SIRPB1: variants seen among roughly 807,000 people sequenced by gnomAD.
SIRPB1 encodes the protein signal regulatory protein beta 1, also known as signal-regulatory protein beta-1.
In SIRPB1, 28 loss-of-function variants were observed where a neutral mutation model predicts 34.1. The observed-to-expected ratio is 0.82, with a 90% CI of 0.61 to 1.12. The LOEUF is 1.12. Ranked by LOEUF, SIRPB1 falls within the 50% of genes most tolerant of loss-of-function variation. The pLI is 0.00. For missense variants in SIRPB1, 499 were observed against 507.0 expected (o/e 0.98, Z 0.15); for synonymous variants, 211 against 203.8 (o/e 1.04, Z -0.30).
intron 1 of SIRPB1, among the ~76,000 whole-genome samples, chr20:1,599,262 G>T (rs2091466971): frequency 2.0e-5 from 1 of 48,870 alleles, no homozygotes; most frequent in Non-Finnish European, 3.9e-5. Context: ...ATTCCATTCT[G>T]ATGGGGAAAT....
At position 1,606,069 on chromosome 20, in the gene SIRPB1, G is replaced by A. The variant is rs2091510264; in HGVS notation, c.76+13800C>T. The A allele has an allele frequency of 9.9e-6, 2 of 202,806 alleles. 1 individual carries two copies. The highest frequency in any genetic ancestry group is 1.9e-5 in the Non-Finnish European group (2 of 107,946). 12.6% of individuals were successfully genotyped at this position (202,806 alleles called of 1,614,324 possible). ...AAAAACCGGTCCTGTATTGCCATACGGGACACTATTCAGGGTTTCACTGAC... is the reference window on the plus strand; with the variant it reads ...AAAAACCGGTCCTGTATTGCCATACAGGACACTATTCAGGGTTTCACTGAC... On this transcript the variant is annotated intron_variant, in intron 1 of 5. Transcript: ENST00000381605.
chr20:1,565,055 T>G lies in SIRPB1; in HGVS notation c.*445A>C, dbSNP rs1365253572. 5.0e-6 allele frequency: 2 copies of G among 398,372 alleles called. No individual in the cohort carries two copies. Among genetic ancestry groups the G allele is most frequent in the African/African-American group, 4.1e-5 (2 of 48,552 alleles). The allele number at this position is 398,372 out of a possible 1,614,324, so 24.7% of individuals were successfully genotyped here. A position where few individuals can be genotyped will look rare whatever the true frequency, so the allele number is the denominator to read the frequency against. ...TGGACAAAGAGGAAAGAGAATCATT[T>G]TTTTCTTAAAATTGGTATAGGGGTT... On this transcript the variant is annotated 3_prime_UTR_variant, in exon 6 of 6. Transcript: ENST00000381605.
rs2091547762 is a variant in SIRPB1, at chr20:1,609,892, C to T, written c.76+9977G>A. 2.7e-5 allele frequency among the ~76,000 whole-genome samples: 2 copies of T among 73,038 alleles called. 1 individual carries two copies. Among genetic ancestry groups the T allele is most frequent in the South Asian group, 1.1e-3 (2 of 1,764 alleles). The allele number at this position is 73,038 out of a possible 152,430, so 47.9% of individuals were successfully genotyped here. Reference sequence around the variant, plus strand: ...AACACACTATCCTGTGACCTAGGAACGCCACTTCCAGTGGGTGTCTCCCGC... The same window carrying T: ...AACACACTATCCTGTGACCTAGGAATGCCACTTCCAGTGGGTGTCTCCCGC... On this transcript the variant is annotated intron_variant, in intron 1 of 5. Coordinates refer to ENST00000381605, the MANE Select transcript of SIRPB1 (RefSeq NM_006065.5).
Position 1,570,573 on chromosome 20 carries a change from C to CAA in SIRPB1, c.1084+231_1084+232insTT, listed in dbSNP as rs201443509. 5.3e-3 allele frequency: 2,261 copies of CAA among 427,818 alleles called. 47 individuals carry two copies. Among genetic ancestry groups the CAA allele is most frequent in the African/African-American group, 0.041 (2,031 of 49,244 alleles). 26.5% of individuals were successfully genotyped at this position (427,818 alleles called of 1,614,324 possible). ...TCAAAATATCTATCAAGTTGTGCAT[C>CAA]AGACTTGACGCACAGTTTCTCCTGG... On this transcript the variant is annotated intron_variant, in intron 4 of 5. Transcript: ENST00000381605.
intron 5 of SIRPB1, 148 bp downstream of exon 5, chr20:1,566,005 C>T: frequency 1.7e-6 from 1 of 581,908 alleles, no homozygotes; most frequent in Non-Finnish European, 3.1e-6. Context: ...TACAGGGTTC[C>T]CTGAGACTCC....
At position 1,611,372 on chromosome 20, in the gene SIRPB1, C is replaced by T. The variant is rs753294561; in HGVS notation, c.76+8497G>A. The T allele has an allele frequency of 1.3e-5, 12 of 919,840 alleles. 3 individuals are homozygous for T. The East Asian group carries it at 4.1e-4, about 31-fold the overall frequency. 57.0% of individuals were successfully genotyped at this position (919,840 alleles called of 1,614,324 possible). Reference sequence around the variant, plus strand: ...CTGTACTCACCACGCACAGACAGCTCGGTGCCTGCTCCAGACTTAAACTCC... The same window carrying T: ...CTGTACTCACCACGCACAGACAGCTTGGTGCCTGCTCCAGACTTAAACTCC... On this transcript the variant is annotated intron_variant, in intron 1 of 5. Transcript: ENST00000381605.
chr20:1,576,620 A>G (rs1365783000), intron 2 of SIRPB1, among the ~76,000 whole-genome samples: 1 of 148,452 alleles, frequency 6.7e-6, no homozygotes, highest in Non-Finnish European at 1.5e-5. Flanking sequence ...AAATGTTTGA[A>G]GTGGGGCCAG....
Position 1,583,195 on chromosome 20 carries a change from G to A in SIRPB1, c.77-4501C>T, listed in dbSNP as rs1291849498. ...CCCTGCCCTCATGAGCAGCATCTGCGGAAATTTCATGGAATAAGATCAAGG... is the reference window on the plus strand; with the variant it reads ...CCCTGCCCTCATGAGCAGCATCTGCAGAAATTTCATGGAATAAGATCAAGG... On this transcript the variant is annotated intron_variant, in intron 1 of 5. Coordinates refer to ENST00000381605, the MANE Select transcript of SIRPB1 (RefSeq NM_006065.5). Among the ~76,000 whole-genome samples the A allele has an allele frequency of 1.0e-4, 5 of 48,802 alleles. 2 individuals carry two copies. Among genetic ancestry groups the A allele is most frequent in the African/African-American group, 4.1e-4 (3 of 7,386 alleles). The allele number at this position is 48,802 out of a possible 152,430, so 32.0% of individuals were successfully genotyped here.
chr20:1,571,769 C>A lies in SIRPB1; in HGVS notation c.702G>T (p.Leu234Phe), dbSNP rs779215387. The change falls in exon 3 of 6, where the codon TTG (leucine) becomes TTT (phenylalanine). Residue 234 changes from leucine to phenylalanine, a missense_variant. Physicochemically the swap from Leu to Phe is conservative, Grantham distance 22. Transcript: ENST00000381605. ...QVICEIAHITLQGDPLRGTAN... is the reference protein window; with the variant it reads ...QVICEIAHITFQGDPLRGTAN... The stretch of plus-strand genomic sequence containing the variant: ...CAGTCCCACGAAGAGGGTCCCCCTG[C>A]AAGGTGATGTGGGCTATCTCGCAGA... The A allele has an allele frequency of 1.9e-6, 3 of 1,614,216 alleles. No homozygotes were observed. In the South Asian group the frequency reaches 3.3e-5, roughly 18 times the overall value.
intron 1 of SIRPB1, 37 bp downstream of exon 1, chr20:1,619,832 G>T: frequency 6.8e-7 from 1 of 1,475,086 alleles, no homozygotes; most frequent in Non-Finnish European, 9.5e-7. Flanking sequence ...TGGCTCAGTG[G>T]GCAGGAAAAA....
chr20:1,582,098 C>T lies in SIRPB1; in HGVS notation c.77-3404G>A, dbSNP rs1293222284. ...TTACTTACAAATTAAAATCAACAGA[C>T]ACTCCTGTTAGTGTCATTAAATGAA... On this transcript the variant is annotated intron_variant, in intron 1 of 5. Coordinates refer to ENST00000381605, the MANE Select transcript of SIRPB1 (RefSeq NM_006065.5). Among the ~76,000 whole-genome samples, 2 of 49,228 alleles carry T rather than the reference C, an allele frequency of 4.1e-5. 1 individual carries two copies. Among genetic ancestry groups the T allele is most frequent in the Non-Finnish European group, 7.8e-5 (2 of 25,488 alleles). 32.3% of individuals were successfully genotyped at this position (49,228 alleles called of 152,430 possible).
rs1005071843 is a variant in SIRPB1, at chr20:1,572,715, C to T, written c.434-678G>A. Among the ~76,000 whole-genome samples the T allele has an allele frequency of 5.9e-5, 9 of 151,614 alleles. No individual in the cohort carries two copies. In the East Asian group the frequency reaches 9.7e-4, roughly 16 times the overall value. On this transcript the variant is annotated intron_variant, in intron 2 of 5. Coordinates refer to ENST00000381605, the MANE Select transcript of SIRPB1 (RefSeq NM_006065.5). ...GGTATTATAAAAATATGAAACATTC[C>T]GTATTTTTCTTTTCACAAATATTTC... is the stretch of plus-strand genomic sequence containing the variant.
In SIRPB1 at chr20:1,583,038, C is replaced by T. The variant is rs530916435; in HGVS notation, c.77-4344G>A. Among the ~76,000 whole-genome samples, 2 of 48,720 alleles carry T rather than the reference C, an allele frequency of 4.1e-5. 1 individual carries two copies. Among genetic ancestry groups the T allele is most frequent in the Admixed American group, 2.8e-4 (2 of 7,246 alleles). The allele number at this position is 48,720 out of a possible 152,430, so 32.0% of individuals were successfully genotyped here. On this transcript the variant is annotated intron_variant, in intron 1 of 5. Coordinates refer to ENST00000381605, the MANE Select transcript of SIRPB1 (RefSeq NM_006065.5). The stretch of plus-strand genomic sequence containing the variant: ...TAAATATTGTATTTTAAGTGAATTG[C>T]TTTCATGAAATTTGCCAGAAAATGT...
intron 1 of SIRPB1, among the ~76,000 whole-genome samples, chr20:1,609,247 T>C (rs2091541738): frequency 1.4e-5 from 1 of 72,098 alleles, no homozygotes; most frequent in Admixed American, 1.1e-4. Context: ...TTGCCAATAT[T>C]ATCTGCACAA....
In SIRPB1 at chr20:1,593,129, T is replaced by C. The variant is rs1459110152; in HGVS notation, c.77-14435A>G. ...ATGAGTAAAAACGAAATTTAGGGAATTGGTATTAGTTTCTAAAGTTTTGTT... is the reference window on the plus strand; with the variant it reads ...ATGAGTAAAAACGAAATTTAGGGAACTGGTATTAGTTTCTAAAGTTTTGTT... On this transcript the variant is annotated intron_variant, in intron 1 of 5. Transcript: ENST00000381605. Among the ~76,000 whole-genome samples the C allele has an allele frequency of 6.1e-5, 3 of 49,350 alleles. 1 individual carries two copies. Among genetic ancestry groups the C allele is most frequent in the Non-Finnish European group, 1.2e-4 (3 of 25,544 alleles). 32.4% of individuals were successfully genotyped at this position (49,350 alleles called of 152,430 possible). A position where few individuals can be genotyped will look rare whatever the true frequency, so the allele number is the denominator to read the frequency against.
chr20:1,580,110 C>T (rs1438530225), intron 1 of SIRPB1, among the ~76,000 whole-genome samples: 3 of 148,084 alleles, frequency 2.0e-5, no homozygotes, highest in Non-Finnish European at 4.5e-5. Context: ...ATGAAAGCAC[C>T]ATGTTTTACA....
In SIRPB1 at chr20:1,578,508, C is replaced by A. The variant is rs752160879; in HGVS notation, c.263G>T (p.Arg88Leu). Residue 88 changes from arginine (R) to leucine (L), a missense_variant, in exon 2 of 6, where the codon CGG becomes CTG. Physicochemically the swap from Arg to Leu is moderately radical, Grantham distance 102 (BLOSUM62 -2). Transcript: ENST00000381605. ...TGTGAGTTCTGAAACAGTTGTTACC[C>A]GTGGGAAGTGGCCTTCTTTCTGATT... ...IYNQKEGHFP[R>L]VTTVSELTKR... 1.3e-6 allele frequency: 2 copies of A among 1,583,708 alleles called. 1 individual carries two copies.
Position 1,562,051 on chromosome 20 carries a change from T to C in SIRPB1, c.*3449A>G, listed in dbSNP as rs6131622. Among the ~76,000 whole-genome samples, 26 of 152,358 alleles carry C rather than the reference T, an allele frequency of 1.7e-4. No individual in the cohort carries two copies. The East Asian group carries it at 4.6e-3, about 27-fold the overall frequency. On this transcript the variant is annotated 3_prime_UTR_variant, in exon 6 of 6. Transcript: ENST00000381605. ...TTTGGACTATAACTCATTACTACTT[T>C]ACTTATTTTTTTGCTGAAAGTGTTC...
intron 1 of SIRPB1, 38 bp downstream of exon 1, chr20:1,619,831 G>A: frequency 2.7e-6 from 4 of 1,468,806 alleles, no homozygotes; most frequent in Non-Finnish European, 3.8e-6. Flanking sequence ...ATGGCTCAGT[G>A]GGCAGGAAAA....
Sources: gnomAD v4.1 joint callset for allele counts (sites outside exome capture counted in the v4.1 genomes callset) on GRCh38, gnomAD v4.1.1 for gene constraint, MANE v1.5 for transcripts, NCBI Gene and HGNC (gene_info 2026-07-23, HGNC 2026-07-21) for gene names.